Variants in SYN1 observed in about 807,000 individuals in gnomAD.
SYN1 encodes the protein synapsin I, also known as synapsin-1.
SYN1 carries 8 observed loss-of-function variants against 44.6 expected under a neutral mutation model. The ratio of observed to expected loss-of-function variants is 0.18; its 90% confidence interval spans 0.11 to 0.32. SYN1 has a LOEUF of 0.32. Ranked by LOEUF, SYN1 falls within the 10% of genes least tolerant of loss-of-function variation. The probability of loss-of-function intolerance (pLI) is 1.00; values close to 1 mark genes in which losing one functional copy is unlikely to be tolerated. For synonymous variants in SYN1, 275 were observed against 280.1 expected (o/e 0.98, Z 0.18); for missense variants, 451 against 639.4 (o/e 0.71, Z 3.18).
chrX:47,600,286 G>T (rs2057876070), intron 5 of SYN1, among the ~76,000 whole-genome samples: 1 of 110,496 alleles, frequency 9.1e-6, no homozygotes, highest in Admixed American at 9.7e-5. Context: ...CCACTTTCTG[G>T]GCTCAAGTGA....
intron 5 of SYN1, chrX:47,585,308 G>T: frequency 8.3e-7 from 1 of 1,211,376 alleles, no homozygotes; most frequent in Admixed American, 2.2e-5. Context: ...TCCCACAACC[G>T]CAGCGAGGAG....
intron 5 of SYN1, 118 bp downstream of exon 5, chrX:47,604,860 C>T (rs2057891486): frequency 1.5e-6 from 1 of 687,947 alleles, no homozygotes; most frequent in East Asian, 3.5e-5. Flanking sequence ...TTCATGACTC[C>T]ACGTGCACAC....
intron 5 of SYN1, among the ~76,000 whole-genome samples, chrX:47,586,994 C>G (rs1603060685): frequency 8.8e-6 from 1 of 113,038 alleles, no homozygotes; most frequent in East Asian, 2.7e-4. Context: ...CCTGCATTAT[C>G]AACCGTAACC....
At chrX:47,585,897 C>T (rs1458004709) in intron 5 of SYN1, 2 of 1,130,162 alleles carry the variant, frequency 1.8e-6, no homozygotes, top group South Asian at 3.9e-5. Flanking sequence ...ACCTGTCCCT[C>T]CCTGGTCCCT....
At chrX:47,575,295 G>A (rs753286166) in intron 9 of SYN1, 21 bp from the exon 10 acceptor site, 6 of 1,207,977 alleles carry the variant, frequency 5.0e-6, no homozygotes, top group East Asian at 3.0e-5. Context: ...GAAAGGATCC[G>A]TGAGGGGAGA....
rs185833481 is a variant in SYN1, at chrX:47,579,614, A to T, written c.775-2113T>A. Among the ~76,000 whole-genome samples the T allele has an allele frequency of 3.9e-4, 43 of 110,187 alleles. No individual in the cohort carries two copies. The East Asian group carries it at 4.3e-3, about 11-fold the overall frequency. ...CATTTCAAAACTGCACAATAACCGG[A>T]TCCACACGACTCCTCATGTAAACAG... is the stretch of plus-strand genomic sequence containing the variant. On this transcript the variant is annotated intron_variant, in intron 5 of 12. Coordinates refer to ENST00000295987, the MANE Select transcript of SYN1 (RefSeq NM_006950.3).
At chrX:47,606,455 G>A (rs536465605) in intron 3 of SYN1, among the ~76,000 whole-genome samples, 4 of 110,142 alleles carry the variant, frequency 3.6e-5, no homozygotes, top group Admixed American at 9.7e-5. Flanking sequence ...TGGGTGTGGC[G>A]GCTCATGCCT....
intron 6 of SYN1, 90 bp downstream of exon 6, chrX:47,577,349 C>T (rs1322785999): frequency 5.7e-5 from 57 of 995,566 alleles, no homozygotes; most frequent in Non-Finnish European, 7.5e-5. Context: ...TGATAGATAA[C>T]GACACCCCAG....
Position 47,587,410 on chromosome X carries a change from G to A in SYN1, c.775-9909C>T, listed in dbSNP as rs2057831109. 3 of 113,695 alleles carry A rather than the reference G, an allele frequency of 2.6e-5. No homozygotes were observed. In the South Asian group the frequency reaches 1.1e-3, roughly 41 times the overall value. 9.4% of individuals were successfully genotyped at this position (113,695 alleles called of 1,213,427 possible). On this transcript the variant is annotated intron_variant, in intron 5 of 12. Transcript: ENST00000295987. The stretch of plus-strand genomic sequence containing the variant: ...AGCCATGGCTGCAGGACATTCCTTG[G>A]AAGGGACTGTTTGGGGCAGAGGAGA...
chrX:47,618,071 G>A (rs2057936525), intron 1 of SYN1, among the ~76,000 whole-genome samples: 1 of 111,975 alleles, frequency 8.9e-6, no homozygotes, highest in Admixed American at 9.4e-5. Flanking sequence ...TACACAGCAG[G>A]TGCTCCATAA....
At chrX:47,605,530 C>T in intron 3 of SYN1, 151 bp from the exon 4 acceptor site, 1 of 700,645 alleles carries the variant, frequency 1.4e-6, no homozygotes, top group Non-Finnish European at 2.2e-6. Context: ...TTCCCTCTGC[C>T]TAGTGCACCC....
At chrX:47,602,222 G>A (rs990459908) in intron 5 of SYN1, among the ~76,000 whole-genome samples, 1 of 112,236 alleles carries the variant, frequency 8.9e-6, no homozygotes, top group Non-Finnish European at 1.9e-5. Context: ...CTTTTCCTGT[G>A]TTAAGCAACT....
intron 1 of SYN1, 143 bp from the exon 2 acceptor site, chrX:47,607,341 C>A: frequency 3.8e-6 from 2 of 519,558 alleles, no homozygotes; most frequent in Admixed American, 3.8e-5. Flanking sequence ...TTGAAAAAAT[C>A]AAGAGTGCTT....
At chrX:47,588,190 G>A (rs775721528) in intron 5 of SYN1, among the ~76,000 whole-genome samples, 1 of 112,832 alleles carries the variant, frequency 8.9e-6, no homozygotes, top group Admixed American at 9.3e-5. Flanking sequence ...CCTTGGTTAC[G>A]CCCTCGGAGG....
chrX:47,580,806 T>C (rs1259784675), intron 5 of SYN1, among the ~76,000 whole-genome samples: 1 of 109,234 alleles, frequency 9.2e-6, no homozygotes, highest in African/African-American at 3.3e-5. Flanking sequence ...GGTGGTGGTG[T>C]GGCTGTAATC....
intron 5 of SYN1, among the ~76,000 whole-genome samples, chrX:47,578,053 A>G (rs1433087217): frequency 9.0e-6 from 1 of 111,301 alleles, no homozygotes; most frequent in African/African-American, 3.3e-5. Flanking sequence ...ACAGGCTCAA[A>G]GCACATGAGC....
chrX:47,574,647 G>A (rs2057771683), intron 11 of SYN1, 41 bp downstream of exon 11: 2 of 1,140,365 alleles, frequency 1.8e-6, no homozygotes, highest in Non-Finnish European at 2.4e-6. Flanking sequence ...AAGAGATGGC[G>A]GGCTGAGGGA....
chrX:47,617,056 A>G (rs2057933424), intron 1 of SYN1, among the ~76,000 whole-genome samples: 1 of 111,834 alleles, frequency 8.9e-6, no homozygotes, highest in Non-Finnish European at 1.9e-5. Context: ...TTTAGAAAAA[A>G]AAGAAGGAAG....
intron 5 of SYN1, chrX:47,586,879 C>T: frequency 2.0e-6 from 1 of 496,487 alleles, no homozygotes. Flanking sequence ...TGAGGGATGC[C>T]AAATGTTGGG....
Sources: gnomAD v4.1 joint callset for allele counts (sites outside exome capture counted in the v4.1 genomes callset) on GRCh38, gnomAD v4.1.1 for gene constraint, MANE v1.5 for transcripts, NCBI Gene and HGNC (gene_info 2026-07-23, HGNC 2026-07-21) for gene names.